Variants in KCNMB2 observed in about 807,000 individuals in gnomAD.
KCNMB2 encodes potassium calcium-activated channel subfamily M regulatory beta subunit 2.
A neutral mutation model predicts 24.5 loss-of-function variants in KCNMB2; 9 were observed. That is an observed-to-expected ratio of 0.37 (90% CI 0.22 to 0.64). The LOEUF is 0.64. Among genes scored for constraint, KCNMB2 ranks in the 30% least tolerant of loss-of-function variants. KCNMB2 has a pLI of 0.63. For synonymous variants in KCNMB2, 109 were observed against 104.4 expected, an observed-to-expected ratio of 1.04 and a Z score of -0.27; for missense variants, 226 against 284.3, an observed-to-expected ratio of 0.79 and a Z score of 1.47.
chr3:178,559,183 C>G (rs1010783263), intron 1 of KCNMB2, among the ~76,000 whole-genome samples: 1 of 152,086 alleles, frequency 6.6e-6, no homozygotes, highest in African/African-American at 2.4e-5. Context: ...ATCTGTATGA[C>G]TATAAAGTCA....
intron 4 of KCNMB2, among the ~76,000 whole-genome samples, chr3:178,838,557 G>T (rs2108477497): frequency 7.5e-6 from 1 of 132,822 alleles, no homozygotes; most frequent in South Asian, 2.3e-4. Flanking sequence ...ATAATTCAAT[G>T]ACTACAGCTC....
chr3:178,639,383 T>C (rs553991622), intron 1 of KCNMB2, among the ~76,000 whole-genome samples: 1 of 152,264 alleles, frequency 6.6e-6, no homozygotes, highest in African/African-American at 2.4e-5. Flanking sequence ...GGAATCTACC[T>C]ACTTGATCAC....
At chr3:178,726,065 T>C (rs1292008568) in intron 1 of KCNMB2, among the ~76,000 whole-genome samples, 3 of 151,952 alleles carry the variant, frequency 2.0e-5, no homozygotes, top group African/African-American at 7.2e-5. Context: ...TTAATTTATT[T>C]AATGTGTTTT....
intron 1 of KCNMB2, among the ~76,000 whole-genome samples, chr3:178,612,185 C>T (rs2108517210): frequency 6.6e-6 from 1 of 152,270 alleles, no homozygotes; most frequent in Middle Eastern, 3.4e-3. Context: ...GTCTATCCTT[C>T]AGAATGATCT....
chr3:178,545,799 G>A (rs1275185689), intron 1 of KCNMB2, among the ~76,000 whole-genome samples: 2 of 152,112 alleles, frequency 1.3e-5, no homozygotes, highest in East Asian at 1.9e-4. Flanking sequence ...TTTCAAATGA[G>A]GAAATTAGAA....
intron 1 of KCNMB2, among the ~76,000 whole-genome samples, chr3:178,654,678 CT>C (rs1302868967): frequency 3.9e-5 from 6 of 152,008 alleles, no homozygotes; most frequent in Admixed American, 6.6e-5. Flanking sequence ...TATGTGTTTG[CT>C]TTTGGTTTTT....
intron 1 of KCNMB2, among the ~76,000 whole-genome samples, chr3:178,616,362 A>T (rs1718706135): frequency 6.6e-6 from 1 of 152,194 alleles, no homozygotes; most frequent in Non-Finnish European, 1.5e-5. Flanking sequence ...TGGGATCAGA[A>T]ATGGTGCTCT....
intron 2 of KCNMB2, among the ~76,000 whole-genome samples, chr3:178,816,043 C>A (rs1280482438): frequency 2.0e-5 from 3 of 151,712 alleles, no homozygotes; most frequent in African/African-American, 7.2e-5. Flanking sequence ...GGTTGGGTAG[C>A]ATTTCATCTT....
At chr3:178,554,993 A>C (rs986576883) in intron 1 of KCNMB2, among the ~76,000 whole-genome samples, 5 of 152,216 alleles carry the variant, frequency 3.3e-5, no homozygotes, top group Admixed American at 1.3e-4. Flanking sequence ...ACCAAGACCA[A>C]TGTTCTTGTC....
At chr3:178,600,642 G>A (rs1384830652) in intron 1 of KCNMB2, among the ~76,000 whole-genome samples, 1 of 152,110 alleles carries the variant, frequency 6.6e-6, no homozygotes, top group Non-Finnish European at 1.5e-5. Context: ...GGGAGGATGG[G>A]GACTTCAGGA....
chr3:178,580,966 C>T (rs1186393797), intron 1 of KCNMB2, among the ~76,000 whole-genome samples: 1 of 152,170 alleles, frequency 6.6e-6, no homozygotes, highest in Non-Finnish European at 1.5e-5. Flanking sequence ...AGATTCAATG[C>T]TATCCCCATC....
chr3:178,611,577 T>G (rs1577047638), intron 1 of KCNMB2, among the ~76,000 whole-genome samples: 1 of 152,010 alleles, frequency 6.6e-6, no homozygotes, highest in Non-Finnish European at 1.5e-5. Context: ...TGGTGGCAGG[T>G]GCCTGTAGTC....
rs1322285182 is a variant in KCNMB2, at chr3:178,758,647, G to T, written c.-67-48696G>T. ...ATATATATATCTCTCTCTCCAAGAG[G>T]ATATATATATATCTCTCTCCAAGAG... On this transcript the variant is annotated intron_variant, in intron 1 of 4. Transcript: ENST00000452583. Among the ~76,000 whole-genome samples the T allele has an allele frequency of 9.0e-5, 4 of 44,382 alleles. No homozygotes were observed. In the East Asian group the frequency reaches 2.6e-3, roughly 29 times the overall value. The allele number at this position is 44,382 out of a possible 152,430, so 29.1% of individuals were successfully genotyped here.
In KCNMB2 at chr3:178,714,726, T is replaced by C. The variant is rs775793535; in HGVS notation, c.-67-92617T>C. ...GCAGTTTTGCTCTGGTGAAGGCTTCTAAACAGTAGTGAGCAGACTCAGGGT... is the reference window on the plus strand; with the variant it reads ...GCAGTTTTGCTCTGGTGAAGGCTTCCAAACAGTAGTGAGCAGACTCAGGGT... On this transcript the variant is annotated intron_variant, in intron 1 of 4. Transcript: ENST00000452583. Among the ~76,000 whole-genome samples the C allele has an allele frequency of 7.6e-4, 116 of 152,360 alleles. 2 individuals are homozygous for C. The highest frequency in any genetic ancestry group is 8.8e-4 in the Non-Finnish European group (60 of 68,036).
chr3:178,686,043 T>TGA (rs1324262972), intron 1 of KCNMB2, among the ~76,000 whole-genome samples: 170 of 151,924 alleles, frequency 1.1e-3, no homozygotes, highest in Non-Finnish European at 1.4e-3. Flanking sequence ...ATTGTGTGTG[T>TGA]GTGAGAGAGA....
chr3:178,619,224 T>G (rs1006722691), intron 1 of KCNMB2, among the ~76,000 whole-genome samples: 6 of 152,122 alleles, frequency 3.9e-5, no homozygotes, highest in African/African-American at 1.2e-4. Context: ...TATACTATCT[T>G]TCCTTAGCTG....
chr3:178,552,038 G>A (rs1715970649), intron 1 of KCNMB2, among the ~76,000 whole-genome samples: 1 of 152,224 alleles, frequency 6.6e-6, no homozygotes, highest in African/African-American at 2.4e-5. Context: ...GAACCCAGAA[G>A]AAAGCATATG....
intron 1 of KCNMB2, among the ~76,000 whole-genome samples, chr3:178,548,635 C>T (rs1218941967): frequency 6.6e-6 from 1 of 152,214 alleles, no homozygotes; most frequent in Non-Finnish European, 1.5e-5. Flanking sequence ...TCTACCAATT[C>T]TCAATGGTTC....
At chr3:178,674,801 T>C (rs1721018583) in intron 1 of KCNMB2, among the ~76,000 whole-genome samples, 1 of 152,172 alleles carries the variant, frequency 6.6e-6, no homozygotes, top group Non-Finnish European at 1.5e-5. Context: ...GCTCTTCCAC[T>C]GCTCTCCCCT....
Sources: gnomAD v4.1 joint callset for allele counts (sites outside exome capture counted in the v4.1 genomes callset) on GRCh38, gnomAD v4.1.1 for gene constraint, MANE v1.5 for transcripts, NCBI Gene and HGNC (gene_info 2026-07-23, HGNC 2026-07-21) for gene names.